The following TAFA1 variants were observed in gnomAD, a reference collection of about 807,000 sequenced individuals.
TAFA1 encodes chemokine-like protein TAFA-1.
TAFA1 carries 4 observed loss-of-function variants against 18.5 expected under a neutral mutation model. The observed-to-expected ratio is 0.22, with a 90% CI of 0.11 to 0.49. TAFA1 has a LOEUF of 0.49. Ranked by LOEUF, TAFA1 falls within the 20% of genes least tolerant of loss-of-function variation. The pLI is 0.98. For synonymous variants in TAFA1, 56 were observed against 55.2 expected (o/e 1.01, Z -0.06); for missense variants, 147 against 169.0 (o/e 0.87, Z 0.72).
intron 3 of TAFA1, among the ~76,000 whole-genome samples, chr3:68,508,593 TG>T (rs1165563723): frequency 6.6e-6 from 1 of 152,042 alleles, no homozygotes; most frequent in Non-Finnish European, 1.5e-5. Flanking sequence ...GGCTCCTCTG[TG>T]CTAAAAACAA....
intron 2 of TAFA1, among the ~76,000 whole-genome samples, chr3:68,086,894 G>A (rs1239697039): frequency 3.3e-5 from 5 of 152,166 alleles, no homozygotes; most frequent in African/African-American, 1.2e-4. Flanking sequence ...CAGGACCATT[G>A]AGGTTAACAT....
At chr3:68,532,012 T>C (rs1303102393) in intron 3 of TAFA1, among the ~76,000 whole-genome samples, 1 of 152,238 alleles carries the variant, frequency 6.6e-6, no homozygotes, top group Non-Finnish European at 1.5e-5. Flanking sequence ...TTTATCTTTA[T>C]ATTTTTCTTA....
intron 2 of TAFA1, among the ~76,000 whole-genome samples, chr3:68,015,924 T>C (rs1441029301): frequency 6.6e-6 from 1 of 152,232 alleles, no homozygotes; most frequent in Non-Finnish European, 1.5e-5. Flanking sequence ...TAACTGGCTG[T>C]CAGCTCTTGG....
chr3:68,323,636 T>A (rs1170765307), intron 2 of TAFA1, among the ~76,000 whole-genome samples: 1 of 152,102 alleles, frequency 6.6e-6, no homozygotes, highest in African/African-American at 2.4e-5. Context: ...GGAGGAAGAA[T>A]AGCCAACAGT....
At chr3:68,091,485 G>T (rs1479532838) in intron 2 of TAFA1, among the ~76,000 whole-genome samples, 2 of 152,070 alleles carry the variant, frequency 1.3e-5, no homozygotes, top group East Asian at 1.9e-4. Context: ...TCCTCAGTCT[G>T]CCAGGTGCTT....
chr3:68,259,921 C>T (rs2067379025), intron 2 of TAFA1, among the ~76,000 whole-genome samples: 1 of 151,528 alleles, frequency 6.6e-6, no homozygotes, highest in South Asian at 2.1e-4. Context: ...TAATTGAATA[C>T]CCTTTATTTC....
intron 2 of TAFA1, among the ~76,000 whole-genome samples, chr3:68,147,449 T>C (rs747247581): frequency 3.6e-4 from 54 of 151,976 alleles, no homozygotes; most frequent in Non-Finnish European, 6.2e-4. Context: ...GCCTAGTGTC[T>C]CTCCCATGTG....
intron 2 of TAFA1, among the ~76,000 whole-genome samples, chr3:68,200,369 T>G (rs2066456993): frequency 6.6e-6 from 1 of 151,638 alleles, no homozygotes; most frequent in African/African-American, 2.4e-5. Context: ...GAAGTATTTC[T>G]TCAGCTTTTG....
At chr3:68,067,899 A>G (rs2064701637) in intron 2 of TAFA1, among the ~76,000 whole-genome samples, 1 of 152,176 alleles carries the variant, frequency 6.6e-6, no homozygotes, top group Admixed American at 6.5e-5. Flanking sequence ...TATAATAAGG[A>G]AAAATACTTA....
At chr3:68,522,311 G>A (rs994894858) in intron 3 of TAFA1, among the ~76,000 whole-genome samples, 2 of 152,128 alleles carry the variant, frequency 1.3e-5, no homozygotes, top group African/African-American at 4.8e-5. Flanking sequence ...ATGAGAACAC[G>A]TATTTGGATT....
intron 3 of TAFA1, among the ~76,000 whole-genome samples, chr3:68,456,759 T>A (rs989506705): frequency 6.6e-6 from 1 of 152,202 alleles, no homozygotes; most frequent in Non-Finnish European, 1.5e-5. Context: ...GCTGGCATAG[T>A]TGCAGCTACA....
chr3:68,078,579 T>C (rs1465936945), intron 2 of TAFA1, among the ~76,000 whole-genome samples: 3 of 152,154 alleles, frequency 2.0e-5, no homozygotes, highest in Non-Finnish European at 4.4e-5. Flanking sequence ...CATGTGGTTT[T>C]TGTCTTTGGC....
chr3:68,340,134 A>G (rs899242032), intron 2 of TAFA1, among the ~76,000 whole-genome samples: 2 of 152,354 alleles, frequency 1.3e-5, no homozygotes, highest in African/African-American at 4.8e-5. Context: ...AAAACAAGCC[A>G]CTGTGTTTTT....
Position 68,326,972 on chromosome 3 carries a change from C to T in TAFA1, c.119-90308C>T, listed in dbSNP as rs1907592. On this transcript the variant is annotated intron_variant, in intron 2 of 4. Coordinates refer to ENST00000478136, the MANE Select transcript of TAFA1 (RefSeq NM_213609.4). ...AAATCTCATTTTGAATTGTAGCTCC[C>T]GTAATTCCAAGTTGTTATGGGAGGG... is the stretch of plus-strand genomic sequence containing the variant. 1.2e-4 allele frequency among the ~76,000 whole-genome samples: 18 copies of T among 152,196 alleles called. No individual in the cohort carries two copies. In the South Asian group the frequency reaches 2.3e-3, roughly 19 times the overall value.
chr3:68,508,850 G>T (rs1399717534), intron 3 of TAFA1, among the ~76,000 whole-genome samples: 1 of 151,486 alleles, frequency 6.6e-6, no homozygotes, highest in Admixed American at 6.6e-5. Flanking sequence ...GCAAGTAAGA[G>T]TTCAGTGATC....
chr3:68,445,021 A>G (rs1214953236), intron 3 of TAFA1, among the ~76,000 whole-genome samples: 1 of 152,012 alleles, frequency 6.6e-6, no homozygotes, highest in Non-Finnish European at 1.5e-5. Context: ...TAATTCAAAA[A>G]GAATATGGAC....
chr3:68,146,629 GA>G (rs2065744469), intron 2 of TAFA1, among the ~76,000 whole-genome samples: 1 of 152,188 alleles, frequency 6.6e-6, no homozygotes. Flanking sequence ...GTTTACTCTA[GA>G]ATTCCCCTTA....
At chr3:68,111,901 C>T (rs1053369647) in intron 2 of TAFA1, among the ~76,000 whole-genome samples, 2 of 151,902 alleles carry the variant, frequency 1.3e-5, no homozygotes, top group African/African-American at 4.8e-5. Context: ...GCATTAAATG[C>T]CCCAATTAAA....
At chr3:68,434,322 T>G (rs761953439) in intron 3 of TAFA1, among the ~76,000 whole-genome samples, 15 of 152,128 alleles carry the variant, frequency 9.9e-5, no homozygotes, top group Non-Finnish European at 2.1e-4. Flanking sequence ...TGTACTTCTT[T>G]CTGTCTAAAT....
Sources: gnomAD v4.1 joint callset for allele counts (sites outside exome capture counted in the v4.1 genomes callset) on GRCh38, gnomAD v4.1.1 for gene constraint, MANE v1.5 for transcripts, NCBI Gene and HGNC (gene_info 2026-07-23, HGNC 2026-07-21) for gene names.